Variants in MED13L observed in about 807,000 individuals in gnomAD.
The protein encoded by MED13L is mediator of RNA polymerase II transcription subunit 13-like.
A neutral mutation model predicts 220.9 loss-of-function variants in MED13L; 7 were observed. The observed-to-expected ratio is 0.03, with a 90% confidence interval of 0.02 to 0.06. The LOEUF (loss-of-function observed/expected upper bound fraction) is 0.06, where lower values mean the gene tolerates loss of function less well. Among genes scored for constraint, MED13L ranks in the 10% least tolerant of loss-of-function variants. The probability of loss-of-function intolerance (pLI) is 1.00; values close to 1 mark genes in which losing one functional copy is unlikely to be tolerated. For synonymous variants in MED13L, 1,011 were observed against 1,015.2 expected, an observed-to-expected ratio of 1.00 and a Z score of 0.08; for missense variants, 1,965 against 2,760.5, an observed-to-expected ratio of 0.71 and a Z score of 6.46.
At chr12:116,182,386 A>G (rs532602418) in intron 2 of MED13L, among the ~76,000 whole-genome samples, 1 of 152,244 alleles carries the variant, frequency 6.6e-6, no homozygotes, top group African/African-American at 2.4e-5. Flanking sequence ...CACTTCTCCT[A>G]TCTTTGGTCT....
Position 115,983,191 on chromosome 12 carries a change from T to A in MED13L, c.4881A>T (p.Gln1627His). The change falls in exon 21 of 31, where the codon CAA becomes CAT. Residue 1627 changes from glutamine (Q) to histidine (H), a missense_variant. Physicochemically the swap from Gln to His is conservative, Grantham distance 24 (BLOSUM62 0). Transcript: ENST00000281928. Reference sequence around the variant, plus strand: ...TGTCTCCACCACAGCCTATGTTCCCTTGCGTTCTATCCGCAGAAATGCCCC... The same window carrying A: ...TGTCTCCACCACAGCCTATGTTCCCATGCGTTCTATCCGCAGAAATGCCCC... ...STGGISADRT[Q>H]GNIGCGGDTD... 3 of 1,614,172 alleles carry A rather than the reference T, an allele frequency of 1.9e-6. No individual in the cohort carries two copies. The highest frequency in any genetic ancestry group is 2.5e-6 in the Non-Finnish European group (3 of 1,180,004).
At chr12:116,164,674 A>C (rs1032432002) in intron 2 of MED13L, among the ~76,000 whole-genome samples, 1 of 152,200 alleles carries the variant, frequency 6.6e-6, no homozygotes, top group Admixed American at 6.5e-5. Flanking sequence ...GACCACTGAC[A>C]ATTACACACA....
At chr12:116,147,790 T>C (rs1877657345) in intron 2 of MED13L, among the ~76,000 whole-genome samples, 1 of 152,118 alleles carries the variant, frequency 6.6e-6, no homozygotes, top group African/African-American at 2.4e-5. Context: ...CATGTGCTAA[T>C]TTCATAATTC....
rs775457796 is a variant in MED13L at position 115,982,475 on chromosome 12, G to A, written c.5084C>T (p.Ser1695Phe). 1 of 1,614,164 alleles carries A rather than the reference G, an allele frequency of 6.2e-7. No individual in the cohort carries two copies. ...CAAGCTCAACAGCCAAAAGTTCCCAGAAGTGGAGTCCTCCTCTGCAGCATA... is the reference window on the plus strand; with the variant it reads ...CAAGCTCAACAGCCAAAAGTTCCCAAAAGTGGAGTCCTCCTCTGCAGCATA... ...FTYAAEEDST[S>F]GNFWLLSLMR... Residue 1695 changes from serine to phenylalanine, a missense_variant, in exon 22 of 31, where the codon TCT (serine) becomes TTT (phenylalanine). Ser to Phe is a radical substitution (Grantham distance 155, BLOSUM62 -2). Coordinates refer to ENST00000281928, the MANE Select transcript of MED13L (RefSeq NM_015335.5).
At chr12:115,971,822 C>T (rs1481639962) in intron 26 of MED13L, among the ~76,000 whole-genome samples, 1 of 152,164 alleles carries the variant, frequency 6.6e-6, no homozygotes, top group African/African-American at 2.4e-5. Flanking sequence ...AGGTAACAGT[C>T]ATTAGCCATG....
intron 1 of MED13L, among the ~76,000 whole-genome samples, chr12:116,248,501 C>T (rs1377918407): frequency 6.6e-6 from 1 of 152,136 alleles, no homozygotes; most frequent in Non-Finnish European, 1.5e-5. Flanking sequence ...GGGTTCCTTT[C>T]ACACCTGAAA....
At chr12:116,017,547 G>C (rs1472362719) in intron 7 of MED13L, among the ~76,000 whole-genome samples, 2 of 152,162 alleles carry the variant, frequency 1.3e-5, no homozygotes, top group African/African-American at 4.8e-5. Flanking sequence ...GTTTAATATA[G>C]TTGATTGATG....
chr12:116,044,537 A>G (rs1881719923), intron 4 of MED13L, among the ~76,000 whole-genome samples: 1 of 152,226 alleles, frequency 6.6e-6, no homozygotes, highest in Non-Finnish European at 1.5e-5. Flanking sequence ...CTAACTCCTA[A>G]GAACACACAA....
At chr12:116,137,852 A>ATTT (rs5801166) in intron 2 of MED13L, among the ~76,000 whole-genome samples, 1,327 of 118,402 alleles carry the variant, frequency 0.011, 28 homozygotes, top group Non-Finnish European at 0.014. Context: ...TAATGAGGTA[A>ATTT]TTTTTTTTTT....
intron 17 of MED13L, among the ~76,000 whole-genome samples, chr12:115,988,222 T>G (rs560833832): frequency 2.3e-4 from 35 of 152,352 alleles, no homozygotes; most frequent in Middle Eastern, 6.8e-3. Context: ...TAAGACATTT[T>G]CAAACGTGTC....
intron 2 of MED13L, among the ~76,000 whole-genome samples, chr12:116,156,402 T>TAAAAAAA (rs11366103): frequency 1.7e-5 from 2 of 119,450 alleles, no homozygotes; most frequent in South Asian, 2.8e-4. Context: ...TCCAATTACT[T>TAAAAAAA]AAAAAAAAAA....
At chr12:116,233,431 T>C (rs1206715607) in intron 2 of MED13L, among the ~76,000 whole-genome samples, 3 of 152,174 alleles carry the variant, frequency 2.0e-5, no homozygotes, top group Non-Finnish European at 4.4e-5. Context: ...TGATCAGAAA[T>C]GTTTAATTCC....
At chr12:116,258,855 A>G (rs1197641586) in intron 1 of MED13L, among the ~76,000 whole-genome samples, 1 of 151,456 alleles carries the variant, frequency 6.6e-6, no homozygotes, top group African/African-American at 2.4e-5. Context: ...GGATACCCAT[A>G]TAGATGAAAA....
In MED13L at chr12:116,056,474, C is replaced by T. The variant is rs76899161; in HGVS notation, c.480-33873G>A. Among the ~76,000 whole-genome samples, 9 of 152,176 alleles carry T rather than the reference C, an allele frequency of 5.9e-5. No homozygotes were observed. In the East Asian group the frequency reaches 1.5e-3, roughly 26 times the overall value. On this transcript the variant is annotated intron_variant, in intron 4 of 30. Transcript: ENST00000281928. ...GAACTCCTGGGCTCAAGCAATCTGT[C>T]CAGCTCTGAATTCCCAAAAGTGCTG...
chr12:115,980,833 G>A lies in MED13L; in HGVS notation c.5281C>T (p.Pro1761Ser). The part of the protein sequence containing the change: ...AFSVYCQCRR[P>S]LPTQIHIKSL... The stretch of plus-strand genomic sequence containing the variant: ...TTAATGTGGATCTGTGTAGGCAGTG[G>A]TCGCCTGCACTGGCAGTACACTGAA... Residue 1761 changes from proline to serine, a missense_variant, in exon 23 of 31, where the codon CCA (proline) becomes TCA (serine). Coordinates refer to ENST00000281928, the MANE Select transcript of MED13L (RefSeq NM_015335.5). The A allele has an allele frequency of 6.2e-7, 1 of 1,613,560 alleles. No homozygotes were observed. The highest frequency in any genetic ancestry group is 8.5e-7 in the Non-Finnish European group (1 of 1,179,670).
At position 116,216,391 on chromosome 12, in the gene MED13L, T is replaced by C. The variant is rs143221324; in HGVS notation, c.310+21077A>G. ...TATAGGTCACCTCTACTCTTCCCAATTCCCAGAGAACTTTATCTGTAGCTC... is the reference window on the plus strand; with the variant it reads ...TATAGGTCACCTCTACTCTTCCCAACTCCCAGAGAACTTTATCTGTAGCTC... On this transcript the variant is annotated intron_variant, in intron 2 of 30. Coordinates refer to ENST00000281928, the MANE Select transcript of MED13L (RefSeq NM_015335.5). Among the ~76,000 whole-genome samples, 247 of 152,276 alleles carry C rather than the reference T, an allele frequency of 1.6e-3. 2 individuals are homozygous for C. Among genetic ancestry groups the C allele is most frequent in the East Asian group, 0.013 (67 of 5,178 alleles).
intron 4 of MED13L, among the ~76,000 whole-genome samples, chr12:116,074,428 A>T (rs981988834): frequency 6.6e-6 from 1 of 152,198 alleles, no homozygotes; most frequent in East Asian, 1.9e-4. Flanking sequence ...GTTTTCTTTG[A>T]CATTTAAAAT....
chr12:116,092,051 CA>C (rs995563194), intron 4 of MED13L, among the ~76,000 whole-genome samples: 1 of 151,646 alleles, frequency 6.6e-6, no homozygotes, highest in African/African-American at 2.4e-5. Context: ...ATAGAGCTAC[CA>C]AAAAAAAGCT....
chr12:116,036,555 T>C (rs1340679762), intron 4 of MED13L, among the ~76,000 whole-genome samples: 1 of 152,216 alleles, frequency 6.6e-6, no homozygotes, highest in Middle Eastern at 3.2e-3. Context: ...ATACACTCCT[T>C]TTCATGGTGT....
Sources: allele counts gnomAD v4.1 joint callset (sites outside exome capture counted in the v4.1 genomes callset), GRCh38; gene constraint gnomAD v4.1.1; transcripts MANE v1.5; gene names NCBI Gene and HGNC (gene_info 2026-07-23, HGNC 2026-07-21).